The following COL18A1 variants were observed in gnomAD, a reference collection of about 807,000 sequenced individuals.
The protein encoded by COL18A1 is collagen type XVIII alpha 1 chain.
A neutral mutation model predicts 168.0 loss-of-function variants in COL18A1; 133 were observed. The ratio of observed to expected loss-of-function variants is 0.79; its 90% CI spans 0.69 to 0.91. The LOEUF (loss-of-function observed/expected upper bound fraction) is 0.91, where lower values mean the gene tolerates loss of function less well. Ranked by LOEUF, COL18A1 falls within the 40% of genes least tolerant of loss-of-function variation. The pLI, the probability that COL18A1 is intolerant of heterozygous loss-of-function variation, is 0.00. For synonymous variants in COL18A1, 949 were observed against 809.0 expected (o/e 1.17, Z -2.94); for missense variants, 2,126 against 1,925.4 (o/e 1.10, Z -1.95).
Position 45,479,893 on chromosome 21 carries a change from G to C in COL18A1, c.1249-9G>C. ...TTCCCTGACCGGGCCCCCGGATGTT[G>C]TGTTCCAGGGCGACACCGGGCCACA... On this transcript the variant is annotated splice_polypyrimidine_tract_variant and intron_variant, in intron 9 of 41. Coordinates refer to ENST00000651438, the MANE Select transcript of COL18A1 (RefSeq NM_001379500.1). 6.2e-7 allele frequency: 1 copy of C among 1,613,448 alleles called. No homozygotes were observed. Among genetic ancestry groups the C allele is most frequent in the Non-Finnish European group, 8.5e-7 (1 of 1,179,918 alleles).
intron 2 of COL18A1, among the ~76,000 whole-genome samples, chr21:45,430,112 G>T (rs2033914856): frequency 7.0e-6 from 1 of 143,066 alleles, no homozygotes; most frequent in African/African-American, 2.8e-5. Flanking sequence ...CCCTCTCGTT[G>T]GGGACCCCCC....
At chr21:45,461,293 C>A (rs949537067) in intron 2 of COL18A1, among the ~76,000 whole-genome samples, 1 of 152,132 alleles carries the variant, frequency 6.6e-6, no homozygotes, top group Non-Finnish European at 1.5e-5. Flanking sequence ...TGCCACTAGA[C>A]CTTCCCTGCA....
rs753027917 is a variant in COL18A1 at position 45,497,064 on chromosome 21, C to T, written c.2592C>T (p.Ser864=). 3.7e-6 allele frequency: 6 copies of T among 1,603,942 alleles called. No individual in the cohort carries two copies. The South Asian group carries it at 5.5e-5, about 15-fold the overall frequency. ...PVYDSNVFAE[S]SRPGPPGLPG... ...GTTCCTTGCAGGTGTTTGCTGAGTC[C>T]AGCCGCCCCGGGCCTCCAGGATTGC... The change falls in exon 31 of 42, where the codon TCC becomes TCT. Residue 864 remains serine (S), a synonymous_variant. Coordinates refer to ENST00000651438, the MANE Select transcript of COL18A1 (RefSeq NM_001379500.1).
At chr21:45,462,337 T>G (rs115672671) in intron 2 of COL18A1, among the ~76,000 whole-genome samples, 4,277 of 152,254 alleles carry the variant, frequency 0.028, 208 homozygotes, top group African/African-American at 0.097. Flanking sequence ...CATTATTTCT[T>G]CAGATAGTCT....
chr21:45,491,465 G>GTAGA (rs78748743), intron 22 of COL18A1, 151 bp downstream of exon 22: 52 of 484,934 alleles, frequency 1.1e-4, no homozygotes, highest in Middle Eastern at 4.8e-4. Flanking sequence ...GGTGGGGGCT[G>GTAGA]CAGACGCCCT....
intron 2 of COL18A1, among the ~76,000 whole-genome samples, chr21:45,465,131 C>T (rs1057074313): frequency 6.6e-6 from 1 of 152,226 alleles, no homozygotes; most frequent in Non-Finnish European, 1.5e-5. Context: ...CTGACTGAAG[C>T]ACTCGCAGGT....
At chr21:45,478,467 GCAAAA>G (rs1428730645) in intron 9 of COL18A1, 114 bp downstream of exon 9, 18 of 1,385,564 alleles carry the variant, frequency 1.3e-5, no homozygotes, top group Non-Finnish European at 1.9e-5. Flanking sequence ...AGACTGTACA[GCAAAA>G]CCATTTTGAA....
chr21:45,502,334 C>T (rs1464929893), intron 32 of COL18A1, among the ~76,000 whole-genome samples: 1 of 152,208 alleles, frequency 6.6e-6, no homozygotes, highest in Non-Finnish European at 1.5e-5. Context: ...TGCCCAGGGC[C>T]GTCTAAGGTC....
At chr21:45,413,462 C>A (rs962561480) in intron 2 of COL18A1, among the ~76,000 whole-genome samples, 18 of 152,250 alleles carry the variant, frequency 1.2e-4, no homozygotes, top group Admixed American at 5.9e-4. Context: ...CCCGCTACGA[C>A]CCCTCGGCTG....
At chr21:45,506,727 CACACCCACCTTCCT>C (rs2037222850) in intron 37 of COL18A1, 3 of 161,444 alleles carry the variant, frequency 1.9e-5, no homozygotes, top group African/African-American at 7.3e-5. Flanking sequence ...CACCTTCCAA[CACACCCACCTTCCT>C]TCTAGAGCCC....
At chr21:45,467,598 A>G (rs890114215) in intron 2 of COL18A1, among the ~76,000 whole-genome samples, 1 of 152,210 alleles carries the variant, frequency 6.6e-6, no homozygotes, top group South Asian at 2.1e-4. Context: ...GCCACGTGGA[A>G]CCCCAGCTGA....
chr21:45,461,076 A>C (rs1320286890), intron 2 of COL18A1, among the ~76,000 whole-genome samples: 3 of 152,152 alleles, frequency 2.0e-5, no homozygotes, highest in Middle Eastern at 3.2e-3. Context: ...GAGAAAACTT[A>C]AGATCTACTC....
At chr21:45,468,913 C>T (rs2035313882) in intron 3 of COL18A1, 127 bp downstream of exon 3, 1 of 1,042,446 alleles carries the variant, frequency 9.6e-7, no homozygotes, top group South Asian at 1.7e-5. Context: ...TGTGGTCAGC[C>T]CGGGCCTCCA....
intron 2 of COL18A1, among the ~76,000 whole-genome samples, chr21:45,406,952 G>A (rs995667764): frequency 5.3e-5 from 8 of 152,206 alleles, no homozygotes. Context: ...CTTCTGTCCC[G>A]GGCCTGCCCC....
intron 37 of COL18A1, chr21:45,506,617 G>A (rs762205989): frequency 1.0e-4 from 18 of 175,554 alleles, no homozygotes; most frequent in Non-Finnish European, 1.7e-4. Context: ...AGGTGAGGAC[G>A]GGTAGAAGCC....
rs2033778361 is a variant in COL18A1, at chr21:45,425,727, G to A, written c.106+20254G>A. Among the ~76,000 whole-genome samples, 1 of 152,132 alleles carries A rather than the reference G, an allele frequency of 6.6e-6. No homozygotes were observed. Among genetic ancestry groups the A allele is most frequent in the South Asian group, 2.1e-4 (1 of 4,830 alleles). ...CAGCAGAAAGGAAACATCCCTGGGGGCCTGTGGTGACCCCCATCCTCCCCA... is the reference window on the plus strand; with the variant it reads ...CAGCAGAAAGGAAACATCCCTGGGGACCTGTGGTGACCCCCATCCTCCCCA... On this transcript the variant is annotated intron_variant, in intron 2 of 41. Transcript: ENST00000651438. This position sits in a 1 kb window ranked among gnomAD's most constrained non-coding sequence, Gnocchi z 4.1.
At chr21:45,458,669 TGGAGCC>T (rs1602431358) in intron 2 of COL18A1, among the ~76,000 whole-genome samples, 1 of 152,270 alleles carries the variant, frequency 6.6e-6, no homozygotes, top group East Asian at 1.9e-4. Context: ...TCCGGTGTCC[TGGAGCC>T]CCGGGAGGCT....
At chr21:45,493,883 G>A (rs1356155026) in intron 26 of COL18A1, 3 of 443,330 alleles carry the variant, frequency 6.8e-6, no homozygotes, top group Non-Finnish European at 1.2e-5. Flanking sequence ...GTGGGGTGCA[G>A]GAGCCCAGGC....
At chr21:45,419,441 G>A (rs1420570485) in intron 2 of COL18A1, among the ~76,000 whole-genome samples, 2 of 152,252 alleles carry the variant, frequency 1.3e-5, no homozygotes, top group African/African-American at 2.4e-5. Flanking sequence ...AGGCCAGGCT[G>A]GCTCCAAAGG....
Sources: allele counts gnomAD v4.1 joint callset (sites outside exome capture counted in the v4.1 genomes callset), GRCh38; gene constraint gnomAD v4.1.1; non-coding constraint Gnocchi (gnomAD v3.1); transcripts MANE v1.5; gene names NCBI Gene and HGNC (gene_info 2026-07-23, HGNC 2026-07-21).